NRK: variants seen among roughly 807,000 people sequenced by gnomAD.
NRK encodes the protein nik-related protein kinase.
A neutral mutation model predicts 125.2 loss-of-function variants in NRK; 67 were observed. The ratio of observed to expected loss-of-function variants is 0.54; its 90% CI spans 0.44 to 0.66. The LOEUF (loss-of-function observed/expected upper bound fraction) is 0.66. Ranked by LOEUF, NRK falls within the 30% of genes least tolerant of loss-of-function variation. The pLI, the probability that NRK is intolerant of heterozygous loss-of-function variation, is 0.00. For synonymous variants in NRK, 458 were observed against 429.0 expected, an observed-to-expected ratio of 1.07 and a Z score of -0.84; for missense variants, 1,224 against 1,192.9, an observed-to-expected ratio of 1.03 and a Z score of -0.38.
chrX:105,915,764 A>G lies in NRK; in HGVS notation c.2384A>G (p.Gln795Arg), dbSNP rs760584420. The G allele has an allele frequency of 1.5e-5, 17 of 1,153,892 alleles. No individual in the cohort carries two copies. The highest frequency in any genetic ancestry group is 1.8e-5 in the Non-Finnish European group (15 of 845,286). The change falls in exon 15 of 29, where the codon CAG becomes CGG. Residue 795 changes from glutamine (Q) to arginine (R), a missense_variant. Physicochemically the swap from Gln to Arg is conservative, Grantham distance 43. Transcript: ENST00000243300. ...AGATCTCCTTCTGTGCCTAACAACC[A>G]GGATCATGCACATCATGTCAAGTTC... ...QERSPSVPNNQDHAHHVKFSS... is the reference protein window; with the variant it reads ...QERSPSVPNNRDHAHHVKFSS...
chrX:105,865,772 T>C (rs2039660621), intron 2 of NRK, among the ~76,000 whole-genome samples: 1 of 111,369 alleles, frequency 9.0e-6, no homozygotes, highest in African/African-American at 3.3e-5. Flanking sequence ...TAAAGACTTA[T>C]TTAGGATGAA....
intron 19 of NRK, among the ~76,000 whole-genome samples, chrX:105,929,310 G>A (rs990048999): frequency 1.8e-5 from 2 of 110,879 alleles, no homozygotes; most frequent in African/African-American, 6.5e-5. Flanking sequence ...AGCTATTCAC[G>A]CTTGCTTTTG....
chrX:105,828,007 T>C (rs2039137268), intron 1 of NRK, among the ~76,000 whole-genome samples: 1 of 111,863 alleles, frequency 8.9e-6, no homozygotes, highest in Non-Finnish European at 1.9e-5. Context: ...GATTGTTCCT[T>C]TCCAATTCTT....
Position 105,892,364 on chromosome X carries a change from A to G in NRK, c.379-1468A>G, listed in dbSNP as rs889392938. On this transcript the variant is annotated intron_variant, in intron 5 of 28. Transcript: ENST00000243300. The stretch of plus-strand genomic sequence containing the variant: ...GCATAAATTATTTGTGAAGATAAGA[A>G]TTTTCATGGGACACTTCACAAATTT... Among the ~76,000 whole-genome samples, 7 of 112,156 alleles carry G rather than the reference A, an allele frequency of 6.2e-5. No homozygotes were observed. The East Asian group carries it at 2.0e-3, about 31-fold the overall frequency.
At chrX:105,846,884 C>T (rs1423598685) in intron 2 of NRK, among the ~76,000 whole-genome samples, 1 of 112,092 alleles carries the variant, frequency 8.9e-6, no homozygotes, top group Non-Finnish European at 1.9e-5. Context: ...AGATACTATT[C>T]TATATGCTTT....
intron 8 of NRK, among the ~76,000 whole-genome samples, chrX:105,899,923 A>G (rs1478184762): frequency 3.6e-5 from 4 of 109,946 alleles, no homozygotes; most frequent in Non-Finnish European, 7.6e-5. Flanking sequence ...AGCCGAGATT[A>G]CACCATCGCA....
At chrX:105,927,934 GT>G (rs1226121943) in intron 19 of NRK, among the ~76,000 whole-genome samples, 1 of 110,957 alleles carries the variant, frequency 9.0e-6, no homozygotes, top group Admixed American at 9.6e-5. Flanking sequence ...TTGGCTTGTA[GT>G]TTTTGTTTGT....
intron 8 of NRK, among the ~76,000 whole-genome samples, chrX:105,900,322 T>A (rs953017957): frequency 8.1e-5 from 9 of 111,678 alleles, no homozygotes; most frequent in Admixed American, 3.8e-4. Flanking sequence ...AATGTCTTTA[T>A]GGCAAGTTTC....
rs2040998688 is a variant in NRK at position 105,957,962 on chromosome X, C to T, written c.*2362C>T. 8.9e-6 allele frequency: 1 copy of T among 112,063 alleles called. No individual in the cohort carries two copies. 9.2% of individuals were successfully genotyped at this position (112,063 alleles called of 1,213,427 possible). ...TATACATTACCTTGTAGCAGCAGTA[C>T]CTGGAAGCCCCAGCCCGTCACAGAA... On this transcript the variant is annotated 3_prime_UTR_variant, in exon 29 of 29. Coordinates refer to ENST00000243300, the MANE Select transcript of NRK (RefSeq NM_198465.4).
intron 2 of NRK, among the ~76,000 whole-genome samples, chrX:105,852,380 T>C (rs1294314915): frequency 9.0e-6 from 1 of 111,633 alleles, no homozygotes; most frequent in African/African-American, 3.3e-5. Flanking sequence ...CTTGGGACAT[T>C]AGCAACCACG....
At chrX:105,878,266 G>T (rs190728674) in intron 2 of NRK, among the ~76,000 whole-genome samples, 1 of 110,603 alleles carries the variant, frequency 9.0e-6, no homozygotes, top group African/African-American at 3.3e-5. Flanking sequence ...AATTTGAAGG[G>T]TATCCAACAT....
At chrX:105,823,048 C>T in intron 1 of NRK, 146 bp downstream of exon 1, 1 of 575,120 alleles carries the variant, frequency 1.7e-6, no homozygotes, top group South Asian at 3.1e-5. Flanking sequence ...TGGGAGCCGG[C>T]ATGCGGAAAA....
At chrX:105,838,943 C>T (rs914142086) in intron 2 of NRK, among the ~76,000 whole-genome samples, 6 of 110,504 alleles carry the variant, frequency 5.4e-5, no homozygotes, top group African/African-American at 2.0e-4. Context: ...TATAAATCAC[C>T]GCCTGACACA....
At chrX:105,910,782 T>G (rs140101073) in intron 13 of NRK, among the ~76,000 whole-genome samples, 195 of 111,832 alleles carry the variant, frequency 1.7e-3, no homozygotes, top group South Asian at 0.017. Flanking sequence ...GGAAACTGCA[T>G]TTTTTGATGA....
intron 21 of NRK, among the ~76,000 whole-genome samples, chrX:105,937,084 T>G (rs2040675134): frequency 9.1e-6 from 1 of 109,381 alleles, no homozygotes; most frequent in Non-Finnish European, 1.9e-5. Flanking sequence ...ATCCATAAAT[T>G]TCCATTTGTG....
At position 105,946,015 on chromosome X, in the gene NRK, G is replaced by A; in HGVS notation, c.4203G>A (p.Lys1401=). 1 of 1,207,031 alleles carries A rather than the reference G, an allele frequency of 8.3e-7. No individual in the cohort carries two copies. The highest frequency in any genetic ancestry group is 1.1e-6 in the Non-Finnish European group (1 of 892,486). Residue 1401 remains lysine (K), a splice_region_variant and synonymous_variant, in exon 25 of 29, where the codon AAG becomes AAA. Coordinates refer to ENST00000243300, the MANE Select transcript of NRK (RefSeq NM_198465.4). Reference sequence around the variant, plus strand: ...AGCTCCTTCATTTGCTGAAGCTCAAGGCAAGGAACTTGAAGACAGCAAACA... The same window carrying A: ...AGCTCCTTCATTTGCTGAAGCTCAAAGCAAGGAACTTGAAGACAGCAAACA... ...PDELLHLLKL[K]VFPTLDHKPV...
intron 16 of NRK, among the ~76,000 whole-genome samples, chrX:105,919,695 A>G (rs2040413399): frequency 9.0e-6 from 1 of 111,515 alleles, no homozygotes. Context: ...CCTCAACTGT[A>G]TTGAACTACA....
At chrX:105,868,778 C>T (rs2039705250) in intron 2 of NRK, among the ~76,000 whole-genome samples, 1 of 103,028 alleles carries the variant, frequency 9.7e-6, no homozygotes, top group African/African-American at 3.5e-5. Context: ...GGGTTTAACT[C>T]TGAGACTTTC....
chrX:105,821,931 C>T (rs2039025629), upstream of NRK, among the ~76,000 whole-genome samples: 2 of 111,815 alleles, frequency 1.8e-5, no homozygotes, highest in Non-Finnish European at 3.8e-5. Flanking sequence ...CTCTTGCCCT[C>T]GGCTAATGGC....
Sources: gnomAD v4.1 joint callset for allele counts (sites outside exome capture counted in the v4.1 genomes callset) on GRCh38, gnomAD v4.1.1 for gene constraint, MANE v1.5 for transcripts, NCBI Gene and HGNC (gene_info 2026-07-23, HGNC 2026-07-21) for gene names.